Variants in SNX29 observed in about 807,000 individuals in gnomAD.
The protein encoded by SNX29 is sorting nexin-29.
Under a neutral mutation model 102.1 loss-of-function variants are expected in SNX29, and 78 were observed. That is an observed-to-expected ratio of 0.76 (90% CI 0.64 to 0.92). The LOEUF is 0.92. Among genes scored for constraint, SNX29 ranks in the 40% least tolerant of loss-of-function variants. The probability of loss-of-function intolerance (pLI) is 0.00; values close to 1 mark genes in which losing one functional copy is unlikely to be tolerated. For synonymous variants in SNX29, 580 were observed against 414.5 expected, an observed-to-expected ratio of 1.40 and a Z score of -4.85; for missense variants, 1,280 against 1,061.7, an observed-to-expected ratio of 1.21 and a Z score of -2.86.
chr16:11,985,628 G>T (rs2055589774), intron 1 of SNX29, among the ~76,000 whole-genome samples: 1 of 152,162 alleles, frequency 6.6e-6, no homozygotes, highest in Non-Finnish European at 1.5e-5. Context: ...TGGTTGGCCA[G>T]GTCTGGACCA....
At chr16:12,356,113 C>T (rs986079223) in intron 15 of SNX29, 50 bp from the exon 16 acceptor site, 3 of 1,550,086 alleles carry the variant, frequency 1.9e-6, no homozygotes, top group Admixed American at 1.8e-5. Flanking sequence ...GGGATTGGTC[C>T]CTGGGGAATG....
intron 18 of SNX29, among the ~76,000 whole-genome samples, chr16:12,456,114 C>G (rs771357332): frequency 3.3e-5 from 5 of 152,130 alleles, no homozygotes; most frequent in Non-Finnish European, 5.9e-5. Flanking sequence ...TATTTCCAGG[C>G]ACTGGTCTGG....
chr16:12,553,468 G>A (rs1455677663), intron 20 of SNX29, among the ~76,000 whole-genome samples: 1 of 152,106 alleles, frequency 6.6e-6, no homozygotes, highest in African/African-American at 2.4e-5. Context: ...GCTCAGACCA[G>A]CCCCAGCTGC....
chr16:12,042,992 G>T lies in SNX29; in HGVS notation c.343G>T (p.Gly115Cys). 6.2e-7 allele frequency: 1 copy of T among 1,613,732 alleles called. No homozygotes were observed. The highest frequency in any genetic ancestry group is 1.1e-5 in the South Asian group (1 of 91,056). Residue 115 changes from glycine to cysteine, a missense_variant, in exon 5 of 21, where the codon GGT becomes TGT. Transcript: ENST00000566228. ...CCACATCGCCTCAGACGTGGGCCGG[G>T]GTCGCGCCTGGCTGCGCTGTGCCCT... is the stretch of plus-strand genomic sequence containing the variant. ...LRHIASDVGR[G>C]RAWLRCALNE...
At chr16:12,442,658 A>G (rs912141356) in intron 18 of SNX29, among the ~76,000 whole-genome samples, 13 of 151,234 alleles carry the variant, frequency 8.6e-5, no homozygotes, top group African/African-American at 2.4e-4. Context: ...TGGCACAATC[A>G]TGGCTCAGTG....
intron 15 of SNX29, among the ~76,000 whole-genome samples, chr16:12,355,835 G>C (rs1202436122): frequency 1.1e-5 from 1 of 92,876 alleles, no homozygotes; most frequent in African/African-American, 4.3e-5. Flanking sequence ...GACAGAGCGA[G>C]ATCTTATTAA....
chr16:12,375,953 A>T (rs1158209947), intron 16 of SNX29: 1 of 138,778 alleles, frequency 7.2e-6, no homozygotes, highest in Non-Finnish European at 1.5e-5. Context: ...GAATCACTTG[A>T]GCCCGGGAGG....
intron 16 of SNX29, among the ~76,000 whole-genome samples, chr16:12,384,999 C>T (rs553757002): frequency 6.6e-6 from 1 of 152,126 alleles, no homozygotes; most frequent in Non-Finnish European, 1.5e-5. Flanking sequence ...GGTGAAACCC[C>T]ATCTCCACTA....
chr16:12,566,519 C>G (rs139372006), intron 20 of SNX29, among the ~76,000 whole-genome samples: 63 of 152,198 alleles, frequency 4.1e-4, no homozygotes, highest in Middle Eastern at 3.2e-3. Context: ...GCTCAGACCC[C>G]GCATCTGAAG....
Position 12,042,963 on chromosome 16 carries a change from T to A in SNX29, c.314T>A (p.Leu105Gln). Residue 105 changes from leucine to glutamine, a missense_variant, in exon 5 of 21, where the codon CTG (leucine) becomes CAG (glutamine). Transcript: ENST00000566228. Reference protein sequence around the residue: ...NKHELQRFYSLRHIASDVGRG... With the variant: ...NKHELQRFYSQRHIASDVGRG... The stretch of plus-strand genomic sequence containing the variant: ...CACGAGCTGCAGCGCTTCTACTCCC[T>A]GCGCCACATCGCCTCAGACGTGGGC... The A allele has an allele frequency of 6.2e-7, 1 of 1,613,918 alleles. No individual in the cohort carries two copies. Among genetic ancestry groups the A allele is most frequent in the Non-Finnish European group, 8.5e-7 (1 of 1,179,858 alleles).
At chr16:12,228,037 A>G (rs1047553726) in intron 14 of SNX29, among the ~76,000 whole-genome samples, 3 of 151,968 alleles carry the variant, frequency 2.0e-5, no homozygotes, top group Non-Finnish European at 4.4e-5. Context: ...GCACTTCCAG[A>G]GACTTAGGTA....
At position 12,569,843 on chromosome 16, in the gene SNX29, G is replaced by C. The variant is rs539348319; in HGVS notation, c.*1214G>C. ...TTGCATTTCTAGGGTAAACTAACTAGGAAGGATGTCGTGAAATGGACTATG... is the reference window on the plus strand; with the variant it reads ...TTGCATTTCTAGGGTAAACTAACTACGAAGGATGTCGTGAAATGGACTATG... On this transcript the variant is annotated 3_prime_UTR_variant, in exon 21 of 21. Transcript: ENST00000566228. 1 of 230,806 alleles carries C rather than the reference G, an allele frequency of 4.3e-6. No individual in the cohort carries two copies. 14.3% of individuals were successfully genotyped at this position (230,806 alleles called of 1,614,324 possible).
intron 14 of SNX29, among the ~76,000 whole-genome samples, chr16:12,245,434 G>T (rs1383823404): frequency 6.6e-6 from 1 of 151,322 alleles, no homozygotes; most frequent in African/African-American, 2.4e-5. Flanking sequence ...TGACATGTTT[G>T]AATTCATGTC....
intron 1 of SNX29, among the ~76,000 whole-genome samples, chr16:11,985,833 CTTT>C (rs571058575): frequency 5.2e-5 from 7 of 135,488 alleles, no homozygotes; most frequent in East Asian, 2.1e-4. Flanking sequence ...ATTGCCTTAT[CTTT>C]TTTTTTTTTT....
chr16:12,287,165 A>G (rs944740458), intron 15 of SNX29, among the ~76,000 whole-genome samples: 1 of 152,118 alleles, frequency 6.6e-6, no homozygotes, highest in African/African-American at 2.4e-5. Flanking sequence ...GACTTCAGTT[A>G]ACAACACACA....
At chr16:12,560,942 G>C (rs547539798) in intron 20 of SNX29, 4 of 207,582 alleles carry the variant, frequency 1.9e-5, no homozygotes, top group Non-Finnish European at 3.9e-5. Flanking sequence ...GTTGGGATCC[G>C]GAGAACCAGA....
chr16:12,408,554 C>T (rs1010988572), intron 18 of SNX29, among the ~76,000 whole-genome samples: 2 of 152,240 alleles, frequency 1.3e-5, no homozygotes, highest in Non-Finnish European at 2.9e-5. Context: ...GGTGCAGTGG[C>T]CCATGCCTGT....
chr16:12,539,639 A>C (rs2077234014), intron 20 of SNX29, among the ~76,000 whole-genome samples: 1 of 152,212 alleles, frequency 6.6e-6, no homozygotes, highest in African/African-American at 2.4e-5. Context: ...TAAATGTAAG[A>C]AACTGCATTC....
At chr16:12,556,797 C>G (rs1434039488) in intron 20 of SNX29, among the ~76,000 whole-genome samples, 2 of 151,974 alleles carry the variant, frequency 1.3e-5, no homozygotes, top group African/African-American at 4.8e-5. Flanking sequence ...AACAGTTGCC[C>G]CCTTTACTAA....
Sources: gnomAD v4.1 joint callset for allele counts (sites outside exome capture counted in the v4.1 genomes callset) on GRCh38, gnomAD v4.1.1 for gene constraint, MANE v1.5 for transcripts, NCBI Gene and HGNC (gene_info 2026-07-23, HGNC 2026-07-21) for gene names.